TFAP2C: variants seen among roughly 807,000 people sequenced by gnomAD.
TFAP2C encodes activating enhancer-binding protein 2 gamma.
A neutral mutation model predicts 42.9 loss-of-function variants in TFAP2C; 9 were observed. The observed-to-expected ratio is 0.21, with a 90% CI of 0.13 to 0.37. TFAP2C has a LOEUF of 0.37. Ranked by LOEUF, TFAP2C falls within the 10% of genes least tolerant of loss-of-function variation. The pLI is 1.00. For synonymous variants in TFAP2C, 264 were observed against 256.0 expected, an observed-to-expected ratio of 1.03 and a Z score of -0.30; for missense variants, 462 against 591.7, an observed-to-expected ratio of 0.78 and a Z score of 2.27.
chr20:56,630,070 A>T lies in TFAP2C; in HGVS notation c.48+478A>T, dbSNP rs550291691. Among the ~76,000 whole-genome samples the T allele has an allele frequency of 6.6e-6, 1 of 152,008 alleles. No individual in the cohort carries two copies. Among genetic ancestry groups the T allele is most frequent in the South Asian group, 2.1e-4 (1 of 4,820 alleles). ...CAACCGAAGTTTGGCTTTCAAAAGA[A>T]GTGGGGGCTGGGGAGTGGTGGTGGG... On this transcript the variant is annotated intron_variant, in intron 1 of 6. Coordinates refer to ENST00000201031, the MANE Select transcript of TFAP2C (RefSeq NM_003222.4). The surrounding 1 kb of genome is among the most constrained non-coding windows in gnomAD (Gnocchi z 5.1).
In TFAP2C at chr20:56,630,928, C is replaced by T; in HGVS notation, c.49-277C>T. Reference sequence around the variant, plus strand: ...GTTCGGACTTGGCGCCTCCAAGCGCCTCGGGCTTGGGAGCAGCGCCTAGAC... The same window carrying T: ...GTTCGGACTTGGCGCCTCCAAGCGCTTCGGGCTTGGGAGCAGCGCCTAGAC... On this transcript the variant is annotated intron_variant, in intron 1 of 6. Coordinates refer to ENST00000201031, the MANE Select transcript of TFAP2C (RefSeq NM_003222.4). This position sits in a 1 kb window ranked among gnomAD's most constrained non-coding sequence, Gnocchi z 5.1. 1 of 985,380 alleles carries T rather than the reference C, an allele frequency of 1.0e-6. No homozygotes were observed. The highest frequency in any genetic ancestry group is 6.1e-5 in the Admixed American group (1 of 16,298). 61.0% of individuals were successfully genotyped at this position (985,380 alleles called of 1,614,324 possible).
At position 56,631,545 on chromosome 20, in the gene TFAP2C, G is replaced by C. The variant is rs1239576291; in HGVS notation, c.389G>C (p.Gly130Ala). 1.3e-6 allele frequency: 2 copies of C among 1,531,214 alleles called. No homozygotes were observed. The highest frequency in any genetic ancestry group is 1.7e-6 in the Non-Finnish European group (2 of 1,145,570). The allele number at this position is 1,531,214 out of a possible 1,614,324, so 94.9% of individuals were successfully genotyped here. ...GCCGGCCTACTGCCCCACCTCTCCG[G>C]GCTGGAGGCGGGCGCGGTGAGCGCC... ...RPAGLLPHLS[G>A]LEAGAVSARR... Residue 130 changes from glycine to alanine, a missense_variant, in exon 2 of 7, where the codon GGG becomes GCG. Physicochemically the swap from Gly to Ala is moderately conservative, Grantham distance 60. Coordinates refer to ENST00000201031, the MANE Select transcript of TFAP2C (RefSeq NM_003222.4). The surrounding 1 kb of genome is among the most constrained non-coding windows in gnomAD (Gnocchi z 6.1).
Position 56,629,489 on chromosome 20 carries a change from G to A in TFAP2C, c.-56G>A, listed in dbSNP as rs1198663515. ...ACCCCGATTTTGGATTTACCGCTTG[G>A]GGGCTGGGGGGATCCTGGATTTAAC... On this transcript the variant is annotated 5_prime_UTR_variant, in exon 1 of 7. Coordinates refer to ENST00000201031, the MANE Select transcript of TFAP2C (RefSeq NM_003222.4). The surrounding 1 kb of genome is among the most constrained non-coding windows in gnomAD (Gnocchi z 5.9). The A allele has an allele frequency of 1.5e-6, 2 of 1,352,910 alleles. No individual in the cohort carries two copies. Among genetic ancestry groups the A allele is most frequent in the Non-Finnish European group, 1.9e-6 (2 of 1,044,238 alleles). The allele number at this position is 1,352,910 out of a possible 1,614,324, so 83.8% of individuals were successfully genotyped here.
At position 56,631,546 on chromosome 20, in the gene TFAP2C, G is replaced by T; in HGVS notation, c.390G>T (p.Gly130=). The stretch of plus-strand genomic sequence containing the variant: ...CCGGCCTACTGCCCCACCTCTCCGG[G>T]CTGGAGGCGGGCGCGGTGAGCGCCC... ...RPAGLLPHLS[G]LEAGAVSARR... The change falls in exon 2 of 7, where the codon GGG becomes GGT. Residue 130 remains glycine (G), a synonymous_variant. Transcript: ENST00000201031. This position sits in a 1 kb window ranked among gnomAD's most constrained non-coding sequence, Gnocchi z 6.1. The T allele has an allele frequency of 6.5e-7, 1 of 1,531,374 alleles. No individual in the cohort carries two copies. The highest frequency in any genetic ancestry group is 8.7e-7 in the Non-Finnish European group (1 of 1,145,580). The allele number at this position is 1,531,374 out of a possible 1,614,324, so 94.9% of individuals were successfully genotyped here.
Position 56,637,896 on chromosome 20 carries a change from G to T in TFAP2C, c.1236G>T (p.Leu412=). The part of the protein sequence containing the change: ...SQAICAAVSA[L]QNYIKEALIV... ...CCATCTGTGCCGCGGTGTCTGCCCT[G>T]CAGAACTACATCAAAGAAGCCCTGA... Residue 412 remains leucine (L), a synonymous_variant, in exon 7 of 7, where the codon CTG becomes CTT. Transcript: ENST00000201031. 1 of 1,606,740 alleles carries T rather than the reference G, an allele frequency of 6.2e-7. No individual in the cohort carries two copies. Among genetic ancestry groups the T allele is most frequent in the Non-Finnish European group, 8.5e-7 (1 of 1,173,272 alleles).
At position 56,638,030 on chromosome 20, in the gene TFAP2C, G is replaced by C; in HGVS notation, c.*17G>C. 1.2e-6 allele frequency: 2 copies of C among 1,606,446 alleles called. No individual in the cohort carries two copies. Among genetic ancestry groups the C allele is most frequent in the Middle Eastern group, 1.7e-4 (1 of 6,040 alleles). On this transcript the variant is annotated 3_prime_UTR_variant, in exon 7 of 7. Coordinates refer to ENST00000201031, the MANE Select transcript of TFAP2C (RefSeq NM_003222.4). ...AGGAAATAAAATTGGAACGAAGAAA[G>C]GTTAGGAGAGTAGGGAAGGAACAGG...
At position 56,629,436 on chromosome 20, in the gene TFAP2C, G is replaced by GGGC. The variant is rs1411147599; in HGVS notation, c.-102_-100dup. 4 of 1,027,536 alleles carry GGGC rather than the reference G, an allele frequency of 3.9e-6. No individual in the cohort carries two copies. Among genetic ancestry groups the GGGC allele is most frequent in the Non-Finnish European group, 5.2e-6 (4 of 763,700 alleles). The allele number at this position is 1,027,536 out of a possible 1,614,324, so 63.7% of individuals were successfully genotyped here. A position where few individuals can be genotyped will look rare whatever the true frequency, so the allele number is the denominator to read the frequency against. On this transcript the variant is annotated 5_prime_UTR_variant, in exon 1 of 7. Coordinates refer to ENST00000201031, the MANE Select transcript of TFAP2C (RefSeq NM_003222.4). This position sits in a 1 kb window ranked among gnomAD's most constrained non-coding sequence, Gnocchi z 5.9. The stretch of plus-strand genomic sequence containing the variant: ...GGACAGCAAGGCCCGCGCGCGGCGG[G>GGGC]GGCGGCGGCAGACGCCTGGTCACCG...
In TFAP2C at chr20:56,630,391, C is replaced by A; in HGVS notation, c.48+799C>A. On this transcript the variant is annotated intron_variant, in intron 1 of 6. Transcript: ENST00000201031. This position sits in a 1 kb window ranked among gnomAD's most constrained non-coding sequence, Gnocchi z 5.1. ...CCTCCAGGTTCCCGGCGCCCCGAGA[C>A]CCCTGGGCAGATGGGGACGCATCCT... 2.2e-6 allele frequency: 1 copy of A among 462,202 alleles called. No individual in the cohort carries two copies. The highest frequency in any genetic ancestry group is 4.5e-6 in the Non-Finnish European group (1 of 223,396). 28.6% of individuals were successfully genotyped at this position (462,202 alleles called of 1,614,324 possible). A position where few individuals can be genotyped will look rare whatever the true frequency, so the allele number is the denominator to read the frequency against.
intron 5 of TFAP2C, among the ~76,000 whole-genome samples, chr20:56,635,230 C>T (rs1987562166): frequency 2.6e-5 from 4 of 152,178 alleles, no homozygotes; most frequent in South Asian, 4.1e-4. Context: ...CCTGTAGAAT[C>T]GGCGGTTCTG....
chr20:56,634,742 G>A (rs1331060917), intron 5 of TFAP2C, among the ~76,000 whole-genome samples: 1 of 152,046 alleles, frequency 6.6e-6, no homozygotes, highest in Non-Finnish European at 1.5e-5. Flanking sequence ...AATACGACTG[G>A]CCCGATTCAC....
intron 6 of TFAP2C, 78 bp from the exon 7 acceptor site, chr20:56,637,650 C>G: frequency 2.0e-6 from 3 of 1,477,630 alleles, no homozygotes; most frequent in Non-Finnish European, 2.8e-6. Context: ...GGGCGCCAGC[C>G]TCAGTGTAGT....
intron 4 of TFAP2C, 63 bp from the exon 5 acceptor site, chr20:56,634,087 A>T (rs1016960609): frequency 5.8e-5 from 63 of 1,088,080 alleles, no homozygotes; most frequent in Non-Finnish European, 7.1e-5. Context: ...GAATTTTTAA[A>T]GTGTGCGTGT....
chr20:56,632,262 T>A (rs903264864), intron 3 of TFAP2C, among the ~76,000 whole-genome samples: 5 of 152,256 alleles, frequency 3.3e-5, no homozygotes, highest in Admixed American at 3.3e-4. Flanking sequence ...TTATTTTTGA[T>A]TTCAAACACG....
rs1038842670 is a variant in TFAP2C, at chr20:56,630,829, C to CGGCTCCTTCGCCCCGGGCTCT, written c.49-355_49-335dup. 22 of 985,114 alleles carry CGGCTCCTTCGCCCCGGGCTCT rather than the reference C, an allele frequency of 2.2e-5. No homozygotes were observed. The highest frequency in any genetic ancestry group is 5.2e-4 in the Middle Eastern group (1 of 1,934). 61.0% of individuals were successfully genotyped at this position (985,114 alleles called of 1,614,324 possible). On this transcript the variant is annotated intron_variant, in intron 1 of 6. Transcript: ENST00000201031. This position sits in a 1 kb window ranked among gnomAD's most constrained non-coding sequence, Gnocchi z 5.1. The stretch of plus-strand genomic sequence containing the variant: ...ACGAGATAGCTCTGCACCGGGCGTC[C>CGGCTCCTTCGCCCCGGGCTCT]GGCTCCTTCGCCCCGGGCTCTGGCT...
intron 3 of TFAP2C, among the ~76,000 whole-genome samples, chr20:56,633,026 C>T (rs565269985): frequency 9.4e-4 from 143 of 152,194 alleles, no homozygotes; most frequent in South Asian, 2.3e-3. Flanking sequence ...GAGTTTGAGA[C>T]CAGCCTGGCT....
At chr20:56,637,343 C>A (rs1157606125) in intron 6 of TFAP2C, among the ~76,000 whole-genome samples, 1 of 152,212 alleles carries the variant, frequency 6.6e-6, no homozygotes. Flanking sequence ...ATGCTTCCTT[C>A]TCCCGGTTCC....
Position 56,636,977 on chromosome 20 carries a change from C to T in TFAP2C, c.1067+223C>T, listed in dbSNP as rs190125645. Among the ~76,000 whole-genome samples, 57 of 152,302 alleles carry T rather than the reference C, an allele frequency of 3.7e-4. No homozygotes were observed. In the East Asian group the frequency reaches 3.9e-3, roughly 10 times the overall value. On this transcript the variant is annotated intron_variant, in intron 6 of 6. Transcript: ENST00000201031. Reference sequence around the variant, plus strand: ...TGACTCAGCCATGAGTATTTTTGAGCTGCTTAGTTATTCAACCCAAAGTAG... The same window carrying T: ...TGACTCAGCCATGAGTATTTTTGAGTTGCTTAGTTATTCAACCCAAAGTAG...
rs1987642886 is a variant in TFAP2C, at chr20:56,639,251, G to A, written c.*1238G>A. ...AATAATTGTTGTGTGTATGATACGT[G>A]TATAATAAAAGTATTCTTGTTAGAA... On this transcript the variant is annotated 3_prime_UTR_variant, in exon 7 of 7. Coordinates refer to ENST00000201031, the MANE Select transcript of TFAP2C (RefSeq NM_003222.4). 1 of 152,300 alleles carries A rather than the reference G, an allele frequency of 6.6e-6. No individual in the cohort carries two copies. Among genetic ancestry groups the A allele is most frequent in the Non-Finnish European group, 1.5e-5 (1 of 68,048 alleles). The allele number at this position is 152,300 out of a possible 1,614,324, so 9.4% of individuals were successfully genotyped here.
chr20:56,630,703 G>C lies in TFAP2C; in HGVS notation c.49-502G>C, dbSNP rs1987471264. 2 of 985,214 alleles carry C rather than the reference G, an allele frequency of 2.0e-6. No individual in the cohort carries two copies. Among genetic ancestry groups the C allele is most frequent in the Non-Finnish European group, 2.4e-6 (2 of 829,894 alleles). The allele number at this position is 985,214 out of a possible 1,614,324, so 61.0% of individuals were successfully genotyped here. On this transcript the variant is annotated intron_variant, in intron 1 of 6. Coordinates refer to ENST00000201031, the MANE Select transcript of TFAP2C (RefSeq NM_003222.4). This position sits in a 1 kb window ranked among gnomAD's most constrained non-coding sequence, Gnocchi z 5.1. ...TTTGTCCCGAGGGCGTGGAAGGGAG[G>C]GTCCCGGGGGCGGGGGAGGTGCGCA...
Sources: gnomAD v4.1 joint callset for allele counts (sites outside exome capture counted in the v4.1 genomes callset) on GRCh38, gnomAD v4.1.1 for gene constraint, Gnocchi (gnomAD v3.1) non-coding constraint, MANE v1.5 for transcripts, NCBI Gene and HGNC (gene_info 2026-07-23, HGNC 2026-07-21) for gene names.